DOCK10: variants seen among roughly 807,000 people sequenced by gnomAD.
The protein encoded by DOCK10 is dedicator of cytokinesis 10.
DOCK10 carries 145 observed loss-of-function variants against 280.1 expected under a neutral mutation model. The ratio of observed to expected loss-of-function variants is 0.52; its 90% confidence interval spans 0.45 to 0.59. The LOEUF (loss-of-function observed/expected upper bound fraction) is 0.59, where lower values mean the gene tolerates loss of function less well. Ranked by LOEUF, DOCK10 falls within the 20% of genes least tolerant of loss-of-function variation. The probability of loss-of-function intolerance (pLI) is 0.00; values close to 1 mark genes in which losing one functional copy is unlikely to be tolerated. For synonymous variants in DOCK10, 915 were observed against 942.2 expected (o/e 0.97, Z 0.53); for missense variants, 2,368 against 2,651.7 (o/e 0.89, Z 2.35).
rs1690040133 is a variant in DOCK10, at chr2:224,765,640, T to G, written c.*81A>C. The G allele has an allele frequency of 1.0e-6, 1 of 999,264 alleles. No individual in the cohort carries two copies. Among genetic ancestry groups the G allele is most frequent in the Non-Finnish European group, 1.5e-6 (1 of 676,946 alleles). The allele number at this position is 999,264 out of a possible 1,614,324, so 61.9% of individuals were successfully genotyped here. On this transcript the variant is annotated 3_prime_UTR_variant, in exon 56 of 56. Transcript: ENST00000258390. ...TAACACCATGAAAACTTCAAATAAATTAAACCTATCTTTCTCTTCCCCGAG... is the reference window on the plus strand; with the variant it reads ...TAACACCATGAAAACTTCAAATAAAGTAAACCTATCTTTCTCTTCCCCGAG...
chr2:224,906,822 G>A (rs527820199), intron 3 of DOCK10, among the ~76,000 whole-genome samples: 9 of 152,316 alleles, frequency 5.9e-5, no homozygotes, highest in African/African-American at 2.2e-4. Flanking sequence ...ACTTGTCAGA[G>A]TGTGTCGTAG....
intron 1 of DOCK10, among the ~76,000 whole-genome samples, chr2:224,950,714 T>G (rs1478409317): frequency 6.6e-6 from 1 of 152,196 alleles, no homozygotes; most frequent in African/African-American, 2.4e-5. Context: ...GTTATATGTG[T>G]GCCTAGAACT....
intron 44 of DOCK10, among the ~76,000 whole-genome samples, chr2:224,795,327 T>C (rs1306311724): frequency 6.6e-6 from 1 of 152,232 alleles, no homozygotes. Flanking sequence ...CACCTTCTTC[T>C]GGTGAAACGT....
chr2:224,841,942 C>T (rs749565547), intron 22 of DOCK10, 46 bp from the exon 23 acceptor site: 10 of 1,409,190 alleles, frequency 7.1e-6, no homozygotes, highest in Middle Eastern at 1.8e-4. Flanking sequence ...ACACGTAAAC[C>T]GTGTTACAAA....
At chr2:224,836,440 T>C (rs1695599163) in intron 25 of DOCK10, among the ~76,000 whole-genome samples, 1 of 152,168 alleles carries the variant, frequency 6.6e-6, no homozygotes, top group East Asian at 1.9e-4. Context: ...AAAGGGCACA[T>C]ACTCATGCTT....
intron 1 of DOCK10, among the ~76,000 whole-genome samples, chr2:224,954,915 C>G (rs1349796323): frequency 6.6e-6 from 1 of 152,146 alleles, no homozygotes; most frequent in African/African-American, 2.4e-5. Context: ...CAGGTGAAGA[C>G]ACACAAATAC....
At chr2:224,880,273 T>A (rs1175650304) in intron 7 of DOCK10, among the ~76,000 whole-genome samples, 2 of 152,162 alleles carry the variant, frequency 1.3e-5, no homozygotes, top group Admixed American at 1.3e-4. Flanking sequence ...AAGAACTAAA[T>A]TACCTTCTTC....
intron 6 of DOCK10, 61 bp downstream of exon 6, chr2:224,886,002 C>A (rs1278060789): frequency 3.1e-6 from 5 of 1,604,696 alleles, no homozygotes; most frequent in Non-Finnish European, 4.3e-6. Context: ...TGTGCTGTGA[C>A]CAGAGGAGGG....
Position 224,853,112 on chromosome 2 carries a change from T to C in DOCK10, c.1899A>G (p.Thr633=), listed in dbSNP as rs781395508. ...AAGGCTTGACAGGGATAAAGGACGA[T>C]GTTACACAATCTTAAAAAATCAGAA... The part of the protein sequence containing the change: ...NVPLEHPNCV[T]SSFIPVKPFN... Residue 633 remains threonine, a synonymous_variant, in exon 17 of 56, where the codon ACA becomes ACG. Transcript: ENST00000258390. The C allele has an allele frequency of 6.4e-7, 1 of 1,571,826 alleles. No homozygotes were observed. Among genetic ancestry groups the C allele is most frequent in the Admixed American group, 1.9e-5 (1 of 53,514 alleles).
chr2:225,035,587 T>TATATATATAA (rs1553634969), intron 1 of DOCK10, among the ~76,000 whole-genome samples: 2 of 111,226 alleles, frequency 1.8e-5, no homozygotes, highest in African/African-American at 9.3e-5. Context: ...TATATATATA[T>TATATATATAA]AACACTGAAT....
chr2:224,797,839 A>G lies in DOCK10; in HGVS notation c.4637T>C (p.Val1546Ala). 6.2e-7 allele frequency: 1 copy of G among 1,613,248 alleles called. No individual in the cohort carries two copies. The highest frequency in any genetic ancestry group is 8.5e-7 in the Non-Finnish European group (1 of 1,179,512). ...KHVFASLRLF[V>A]CKFPSAFFQG... ...AAACCTGGAGATCCTTACCTTGCAT[A>G]CAAACAGTCTCAAGGAGGCAAACAC... Residue 1546 changes from valine (V) to alanine (A), a missense_variant, in exon 42 of 56, where the codon GTA becomes GCA. Val to Ala is a moderately conservative substitution (Grantham distance 64). This residue lies in a region of DOCK10 where 1,159 missense variants were observed against 1,400.8 expected (regional missense o/e 0.83). Transcript: ENST00000258390.
At chr2:225,024,650 G>A (rs1383180269) in intron 1 of DOCK10, among the ~76,000 whole-genome samples, 2 of 152,022 alleles carry the variant, frequency 1.3e-5, no homozygotes, top group African/African-American at 4.8e-5. Flanking sequence ...AGCACTTTGG[G>A]AGGCCGAGGT....
intron 2 of DOCK10, among the ~76,000 whole-genome samples, chr2:224,918,786 A>ATGGGAGTGTGGTAGTGTATG (rs1559759239): frequency 6.8e-6 from 1 of 146,690 alleles, no homozygotes; most frequent in East Asian, 2.1e-4. Flanking sequence ...TGTATGTGTA[A>ATGGGAGTGTGGTAGTGTATG]TGTGAGTGTG....
intron 11 of DOCK10, among the ~76,000 whole-genome samples, chr2:224,869,500 AT>A (rs973216558): frequency 1.3e-5 from 2 of 152,116 alleles, no homozygotes; most frequent in African/African-American, 4.8e-5. Context: ...ATAAACACTG[AT>A]TTTTAAAAAA....
chr2:224,821,530 T>A (rs1013356550), intron 28 of DOCK10, among the ~76,000 whole-genome samples: 14 of 152,318 alleles, frequency 9.2e-5, no homozygotes, highest in Admixed American at 9.2e-4. Context: ...CTTTCTTTTT[T>A]TTCTCTCCTA....
intron 2 of DOCK10, among the ~76,000 whole-genome samples, chr2:224,926,025 C>T (rs1028637541): frequency 6.6e-6 from 1 of 152,062 alleles, no homozygotes; most frequent in African/African-American, 2.4e-5. Context: ...TTACTACCAG[C>T]TTGAAAAAGA....
At chr2:224,768,933 C>T (rs202075619) in intron 55 of DOCK10, 36 of 456,478 alleles carry the variant, frequency 7.9e-5, no homozygotes, top group South Asian at 1.9e-4. Context: ...TGTATAAACA[C>T]GGACCTCGAC....
intron 50 of DOCK10, chr2:224,784,655 A>T: frequency 8.3e-7 from 1 of 1,208,700 alleles, no homozygotes. Context: ...CAAAAAGGTT[A>T]AGGTTCAGTA....
intron 14 of DOCK10, chr2:224,860,819 C>T (rs1011059994): frequency 6.6e-6 from 1 of 152,166 alleles, no homozygotes; most frequent in Non-Finnish European, 1.5e-5. Context: ...TTAAGTGAAC[C>T]TCCAGGAGAC....
Sources: gnomAD v4.1 joint callset for allele counts (sites outside exome capture counted in the v4.1 genomes callset) on GRCh38, gnomAD v4.1.1 for gene constraint, gnomAD v4.1.1 regional missense constraint, MANE v1.5 for transcripts, NCBI Gene and HGNC (gene_info 2026-07-23, HGNC 2026-07-21) for gene names.